The following IWS1 variants were observed in gnomAD, a reference collection of about 807,000 sequenced individuals.
IWS1 encodes the protein interacts with SUPT6H, CTD assembly factor 1, also known as protein IWS1 homolog.
A neutral mutation model predicts 86.7 loss-of-function variants in IWS1; 27 were observed. The observed-to-expected ratio is 0.31, with a 90% CI of 0.23 to 0.43. The LOEUF (loss-of-function observed/expected upper bound fraction) is 0.43. Ranked by LOEUF, IWS1 falls within the 20% of genes least tolerant of loss-of-function variation. IWS1 has a pLI of 1.00. For missense variants in IWS1, 827 were observed against 1,000.8 expected (o/e 0.83, Z 2.34); for synonymous variants, 313 against 335.1 (o/e 0.93, Z 0.72).
rs766415194 is a variant in IWS1, at chr2:127,502,872, T to C, written c.1410A>G (p.Glu470=). The change falls in exon 5 of 14, where the codon GAA becomes GAG. Residue 470 remains glutamate (E), a splice_region_variant and synonymous_variant. Transcript: ENST00000295321. ...GSDSESGNEE[E]NLIADIFGES... is the part of the protein sequence containing the mutation. The stretch of plus-strand genomic sequence containing the variant: ...CTCCAAATATGTCTGCAATAAGATT[T>C]CTAGAAAGTAGACAAATGTAAAAAC... The C allele has an allele frequency of 1.1e-5, 17 of 1,513,146 alleles. No homozygotes were observed. The East Asian group carries it at 3.2e-4, about 28-fold the overall frequency. The allele number at this position is 1,513,146 out of a possible 1,614,324, so 93.7% of individuals were successfully genotyped here.
intron 2 of IWS1, among the ~76,000 whole-genome samples, chr2:127,516,428 G>A (rs1226318007): frequency 6.6e-6 from 1 of 152,124 alleles, no homozygotes; most frequent in African/African-American, 2.4e-5. Flanking sequence ...AGAAAAAAAA[G>A]AGGACTTCAA....
Position 127,504,665 on chromosome 2 carries a change from G to A in IWS1, c.1219+19C>T, listed in dbSNP as rs182374827. The A allele has an allele frequency of 1.8e-4, 278 of 1,546,036 alleles. No individual in the cohort carries two copies. In the African/African-American group the frequency reaches 2.8e-3, roughly 16 times the overall value. The stretch of plus-strand genomic sequence containing the variant: ...CAATGAATAAAGCCATTGATAAACA[G>A]CCCAAGGTAACTCCTTACATGCTTT... On this transcript the variant is annotated intron_variant, in intron 3 of 13. Coordinates refer to ENST00000295321, the MANE Select transcript of IWS1 (RefSeq NM_017969.3).
intron 12 of IWS1, among the ~76,000 whole-genome samples, chr2:127,487,337 G>T (rs1689981615): frequency 6.6e-6 from 1 of 152,160 alleles, no homozygotes; most frequent in African/African-American, 2.4e-5. Context: ...ACTCATTTAT[G>T]TGTATGTATT....
rs1313254308 is a variant in IWS1 at position 127,499,848 on chromosome 2, G to A, written c.1468-1611C>T. 6.6e-6 allele frequency among the ~76,000 whole-genome samples: 1 copy of A among 151,918 alleles called. No homozygotes were observed. Among genetic ancestry groups the A allele is most frequent in the Non-Finnish European group, 1.5e-5 (1 of 67,994 alleles). On this transcript the variant is annotated intron_variant, in intron 5 of 13. Transcript: ENST00000295321. This position sits in a 1 kb window ranked among gnomAD's most constrained non-coding sequence, Gnocchi z 4.0. ...CAGACACTTGATATATGACAAAGAT[G>A]GCACTACAGAATAGTAGGAAAGGAT...
chr2:127,493,730 G>A (rs1325295682), intron 8 of IWS1, among the ~76,000 whole-genome samples: 22 of 145,548 alleles, frequency 1.5e-4, no homozygotes, highest in African/African-American at 4.8e-4. Context: ...AAAAAAAAAC[G>A]TTCAATCTAT....
At chr2:127,492,282 C>T (rs769725883) in intron 9 of IWS1, among the ~76,000 whole-genome samples, 194 bp from the exon 10 acceptor site, 13 of 152,278 alleles carry the variant, frequency 8.5e-5, no homozygotes, top group African/African-American at 3.1e-4. Flanking sequence ...TGGTGGCTCA[C>T]GCCTGTAATC....
At chr2:127,506,457 T>C (rs939585340) in intron 2 of IWS1, among the ~76,000 whole-genome samples, 1 of 152,178 alleles carries the variant, frequency 6.6e-6, no homozygotes, top group African/African-American at 2.4e-5. Flanking sequence ...AGGAACATTC[T>C]TGGGTTTTAT....
In IWS1 at chr2:127,505,366, T is replaced by C. The variant is rs1201921675; in HGVS notation, c.537A>G (p.Lys179=). 1.1e-5 allele frequency: 18 copies of C among 1,613,802 alleles called. No individual in the cohort carries two copies. Among genetic ancestry groups the C allele is most frequent in the Non-Finnish European group, 1.4e-5 (17 of 1,179,982 alleles). ...ASDSETEDAL[K]PQISDSESEE... is the part of the protein sequence containing the mutation. ...CACTCTCAGAGTCACTGATTTGAGG[T>C]TTTAGAGCATCTTCTGTTTCAGAGT... Residue 179 remains lysine, a synonymous_variant, in exon 3 of 14, where the codon AAA becomes AAG. Transcript: ENST00000295321. This position sits in a 1 kb window ranked among gnomAD's most constrained non-coding sequence, Gnocchi z 5.0.
chr2:127,495,995 C>T lies in IWS1; in HGVS notation c.1716+3G>A, dbSNP rs334151. On this transcript the variant is annotated splice_donor_region_variant and intron_variant, in intron 7 of 13. Transcript: ENST00000295321. Reference sequence around the variant, plus strand: ...AGGTGAACCTAGAAGCGACCCAGCTCACCTCAGCAGCTTCATTCATCTTGA... The same window carrying T: ...AGGTGAACCTAGAAGCGACCCAGCTTACCTCAGCAGCTTCATTCATCTTGA... 0.16 allele frequency: 262,765 copies of T among 1,606,264 alleles called. 23,695 individuals are homozygous for T. The highest frequency in any genetic ancestry group is 0.18 in the Non-Finnish European group (217,621 of 1,176,740).
At chr2:127,503,322 A>C (rs1432024857) in intron 4 of IWS1, 65 bp downstream of exon 4, 2 of 1,216,638 alleles carry the variant, frequency 1.6e-6, no homozygotes, top group Non-Finnish European at 2.3e-6. Context: ...ATTGTATTAT[A>C]ACACAGACCC....
chr2:127,509,076 G>A (rs1011402674), intron 2 of IWS1, among the ~76,000 whole-genome samples: 2 of 152,070 alleles, frequency 1.3e-5, no homozygotes, highest in African/African-American at 4.8e-5. Context: ...GCAAAAAAGG[G>A]GAGAAATCAC....
intron 2 of IWS1, among the ~76,000 whole-genome samples, chr2:127,522,351 C>T (rs567576643): frequency 6.6e-6 from 1 of 152,274 alleles, no homozygotes; most frequent in South Asian, 2.1e-4. Flanking sequence ...CAAAGCCTGC[C>T]CTCCATCCTT....
At position 127,501,860 on chromosome 2, in the gene IWS1, G is replaced by A. The variant is rs566177744; in HGVS notation, c.1467+955C>T. ...ACTTGCACCTACCTACCTGTACATCGAGTTTTTAATTTCAGTTACTGTATT... is the reference window on the plus strand; with the variant it reads ...ACTTGCACCTACCTACCTGTACATCAAGTTTTTAATTTCAGTTACTGTATT... On this transcript the variant is annotated intron_variant, in intron 5 of 13. Coordinates refer to ENST00000295321, the MANE Select transcript of IWS1 (RefSeq NM_017969.3). 12 of 152,104 alleles carry A rather than the reference G, an allele frequency of 7.9e-5. No homozygotes were observed. The East Asian group carries it at 1.5e-3, about 20-fold the overall frequency. 9.4% of individuals were successfully genotyped at this position (152,104 alleles called of 1,614,324 possible).
At chr2:127,483,682 T>C (rs572278555) in intron 13 of IWS1, among the ~76,000 whole-genome samples, 2 of 143,322 alleles carry the variant, frequency 1.4e-5, no homozygotes, top group Admixed American at 1.5e-4. Flanking sequence ...TAGGCTGGAG[T>C]GCAATGGCAT....
chr2:127,518,024 G>C (rs1054881539), intron 2 of IWS1, among the ~76,000 whole-genome samples: 31 of 152,308 alleles, frequency 2.0e-4, no homozygotes, highest in African/African-American at 7.0e-4. Context: ...CTATGAGACA[G>C]AAAGTATATC....
chr2:127,512,376 A>G (rs1691518215), intron 2 of IWS1, among the ~76,000 whole-genome samples: 1 of 152,254 alleles, frequency 6.6e-6, no homozygotes, highest in Non-Finnish European at 1.5e-5. Context: ...GCTTTATTAA[A>G]AAGTTACATT....
chr2:127,485,759 T>C (rs334160), intron 13 of IWS1: 132,673 of 152,236 alleles, frequency 0.87, 58,083 homozygotes, highest in East Asian at 1. Flanking sequence ...GTCATTATTT[T>C]GAAACTAAAA....
intron 4 of IWS1, 145 bp from the exon 5 acceptor site, chr2:127,503,017 C>A (rs1412165485): frequency 1.7e-6 from 1 of 586,058 alleles, no homozygotes; most frequent in Non-Finnish European, 3.0e-6. Flanking sequence ...TATATACACT[C>A]ATGTAACCAG....
In IWS1 at chr2:127,505,092, G is replaced by C. The variant is rs749858239; in HGVS notation, c.811C>G (p.Pro271Ala). ...SDSENEELPK[P>A]RISDSESEDP... ...TCACTTTCCGAATCACTGATTCGGG[G>C]TTTGGGAAGCTCTTCATTTTCTGAG... The change falls in exon 3 of 14, where the codon CCC becomes GCC. Residue 271 changes from proline (P) to alanine (A), a missense_variant. Pro to Ala is a conservative substitution (Grantham distance 27). Coordinates refer to ENST00000295321, the MANE Select transcript of IWS1 (RefSeq NM_017969.3). The surrounding 1 kb of genome is among the most constrained non-coding windows in gnomAD (Gnocchi z 5.0). 2.5e-6 allele frequency: 4 copies of C among 1,610,516 alleles called. No homozygotes were observed. In the Admixed American group the frequency reaches 6.7e-5, roughly 27 times the overall value.
Sources: allele counts gnomAD v4.1 joint callset (sites outside exome capture counted in the v4.1 genomes callset), GRCh38; gene constraint gnomAD v4.1.1; non-coding constraint Gnocchi (gnomAD v3.1); transcripts MANE v1.5; gene names NCBI Gene and HGNC (gene_info 2026-07-23, HGNC 2026-07-21).